Variants in PRKN observed in about 807,000 individuals in gnomAD.
PRKN encodes the protein parkin RBR E3 ubiquitin protein ligase, also known as E3 ubiquitin-protein ligase parkin.
A neutral mutation model predicts 59.5 loss-of-function variants in PRKN; 56 were observed. That is an observed-to-expected ratio of 0.94 (90% CI 0.76 to 1.18). The LOEUF is 1.18. Among genes scored for constraint, PRKN ranks in the 50% most tolerant of loss-of-function variants. The pLI, the probability that PRKN is intolerant of heterozygous loss-of-function variation, is 0.00. For synonymous variants in PRKN, 250 were observed against 222.1 expected, an observed-to-expected ratio of 1.13 and a Z score of -1.12; for missense variants, 657 against 596.4, an observed-to-expected ratio of 1.10 and a Z score of -1.06.
At chr6:161,441,286 G>A (rs1789207247) in intron 9 of PRKN, among the ~76,000 whole-genome samples, 1 of 152,184 alleles carries the variant, frequency 6.6e-6, no homozygotes, top group East Asian at 1.9e-4. Flanking sequence ...TTGGGATGTG[G>A]TTGGAAGCTC....
At chr6:162,104,338 C>A (rs142778824) in intron 4 of PRKN, among the ~76,000 whole-genome samples, 26 of 152,282 alleles carry the variant, frequency 1.7e-4, no homozygotes, top group African/African-American at 6.3e-4. Context: ...GTGCATATGC[C>A]TCCAAAATGC....
chr6:162,681,263 T>C (rs930069304), intron 1 of PRKN, among the ~76,000 whole-genome samples: 1 of 152,144 alleles, frequency 6.6e-6, no homozygotes, highest in African/African-American at 2.4e-5. Context: ...TTAAAATAGA[T>C]ACAACTCAGG....
chr6:162,716,891 T>C (rs1584108200), intron 1 of PRKN, among the ~76,000 whole-genome samples: 2 of 152,240 alleles, frequency 1.3e-5, no homozygotes, highest in East Asian at 3.8e-4. Flanking sequence ...TCTGTCATTC[T>C]TCCTTCATAA....
At chr6:162,457,628 A>G (rs1176328936) in intron 1 of PRKN, among the ~76,000 whole-genome samples, 3 of 151,558 alleles carry the variant, frequency 2.0e-5, no homozygotes, top group Non-Finnish European at 4.4e-5. Context: ...ACTACACAAA[A>G]TCCCAAACTT....
At chr6:161,600,335 G>A (rs1782062349) in intron 7 of PRKN, among the ~76,000 whole-genome samples, 1 of 152,046 alleles carries the variant, frequency 6.6e-6, no homozygotes, top group Non-Finnish European at 1.5e-5. Flanking sequence ...CATCTGGGTG[G>A]ACTTCTTCCA....
At chr6:161,522,429 C>G (rs1778865156) in intron 9 of PRKN, among the ~76,000 whole-genome samples, 1 of 152,180 alleles carries the variant, frequency 6.6e-6, no homozygotes, top group African/African-American at 2.4e-5. Flanking sequence ...TTTCTTAGAC[C>G]AGCTGCTTCT....
At chr6:162,309,660 T>G (rs1782392583) in intron 2 of PRKN, among the ~76,000 whole-genome samples, 1 of 152,194 alleles carries the variant, frequency 6.6e-6, no homozygotes, top group Non-Finnish European at 1.5e-5. Context: ...GTTGTACTGT[T>G]GAAATTATTT....
rs574400954 is a variant in PRKN, at chr6:162,613,644, G to GT, written c.7+114017dup. Among the ~76,000 whole-genome samples, 59 of 152,112 alleles carry GT rather than the reference G, an allele frequency of 3.9e-4. 1 individual carries two copies. In the East Asian group the frequency reaches 0.011, roughly 27 times the overall value. ...CTTCACCAACAATTACAATCCTTTAGTTTTTCAATGTACATAAAGAGAACT... is the reference window on the plus strand; with the variant it reads ...CTTCACCAACAATTACAATCCTTTAGTTTTTTCAATGTACATAAAGAGAACT... On this transcript the variant is annotated intron_variant, in intron 1 of 11. Transcript: ENST00000366898.
At chr6:161,994,525 C>T (rs959418453) in intron 5 of PRKN, among the ~76,000 whole-genome samples, 5 of 152,008 alleles carry the variant, frequency 3.3e-5, no homozygotes, top group Admixed American at 6.6e-5. Flanking sequence ...AAAAGAAAGT[C>T]AAGTTGTCCC....
intron 5 of PRKN, among the ~76,000 whole-genome samples, chr6:162,036,590 T>G (rs1349758987): frequency 6.6e-6 from 1 of 151,784 alleles, no homozygotes; most frequent in Non-Finnish European, 1.5e-5. Flanking sequence ...CATGTTGGCC[T>G]GACTTCTCTG....
At chr6:162,416,407 G>A (rs140432624) in intron 2 of PRKN, among the ~76,000 whole-genome samples, 142 of 152,242 alleles carry the variant, frequency 9.3e-4, no homozygotes, top group African/African-American at 3.3e-3. Context: ...AAGTCTATTC[G>A]GTCTGTGCCA....
At chr6:162,569,620 C>G (rs1562394644) in intron 1 of PRKN, 1 of 709,308 alleles carries the variant, frequency 1.4e-6, no homozygotes, top group Non-Finnish European at 2.6e-6. Flanking sequence ...CTGACATGGG[C>G]TCCAGCTCCT....
intron 7 of PRKN, among the ~76,000 whole-genome samples, chr6:161,777,802 A>ATATATGTATATGTGTATATATGTATATG (rs1790007859): frequency 7.4e-6 from 1 of 135,304 alleles, no homozygotes. Context: ...TGATATATGT[A>ATATATGTATATGTGTATATATGTATATG]TATATGTATA....
At chr6:162,041,690 C>G (rs1198259748) in intron 5 of PRKN, among the ~76,000 whole-genome samples, 1 of 152,146 alleles carries the variant, frequency 6.6e-6, no homozygotes, top group East Asian at 1.9e-4. Flanking sequence ...ACCCATAGTT[C>G]TCAGTATATC....
chr6:161,802,476 C>CCCCACACACCCCACATATGA (rs1562695233), intron 6 of PRKN, among the ~76,000 whole-genome samples: 3 of 151,490 alleles, frequency 2.0e-5, no homozygotes, highest in African/African-American at 7.3e-5. Flanking sequence ...CACACACGCC[C>CCCCACACACCCCACATATGA]CCCACACACC....
intron 7 of PRKN, among the ~76,000 whole-genome samples, chr6:161,580,006 C>G (rs1019115831): frequency 6.6e-6 from 1 of 152,064 alleles, no homozygotes; most frequent in African/African-American, 2.4e-5. Context: ...ATATAGCATC[C>G]CTGCTTTTAT....
intron 8 of PRKN, among the ~76,000 whole-genome samples, chr6:161,569,052 TA>T (rs757504448): frequency 6.6e-5 from 10 of 152,048 alleles, no homozygotes; most frequent in Non-Finnish European, 1.5e-4. Context: ...CCCTCAGGCA[TA>T]ATTCATCTCT....
intron 1 of PRKN, among the ~76,000 whole-genome samples, chr6:162,529,294 C>T (rs540173028): frequency 6.6e-6 from 1 of 152,202 alleles, no homozygotes; most frequent in East Asian, 1.9e-4. Context: ...TACAATTATT[C>T]ATTACATTTA....
chr6:162,337,944 C>T (rs990504454), intron 2 of PRKN, among the ~76,000 whole-genome samples: 4 of 151,950 alleles, frequency 2.6e-5, no homozygotes, highest in Non-Finnish European at 5.9e-5. Flanking sequence ...TTACATAATA[C>T]ACAATATTTC....
Sources: allele counts gnomAD v4.1 joint callset (sites outside exome capture counted in the v4.1 genomes callset), GRCh38; gene constraint gnomAD v4.1.1; transcripts MANE v1.5; gene names NCBI Gene and HGNC (gene_info 2026-07-23, HGNC 2026-07-21).